Variants in PCDHGA12 observed in about 807,000 individuals in gnomAD.
The protein encoded by PCDHGA12 is protocadherin gamma subfamily A, 12, also known as protocadherin gamma-A12.
A neutral mutation model predicts 61.1 loss-of-function variants in PCDHGA12; 43 were observed. That is an observed-to-expected ratio of 0.70 (90% CI 0.55 to 0.91). The LOEUF is 0.91. Ranked by LOEUF, PCDHGA12 falls within the 40% of genes least tolerant of loss-of-function variation. The probability of loss-of-function intolerance (pLI) is 0.00; values close to 1 mark genes in which losing one functional copy is unlikely to be tolerated. For synonymous variants in PCDHGA12, 520 were observed against 542.9 expected, an observed-to-expected ratio of 0.96 and a Z score of 0.59; for missense variants, 1,236 against 1,227.7, an observed-to-expected ratio of 1.01 and a Z score of -0.10.
rs2099394683 is a variant in PCDHGA12, at chr5:141,476,602, C to G, written c.2425-18205C>G. 2.5e-6 allele frequency: 4 copies of G among 1,614,208 alleles called. No individual in the cohort carries two copies. The highest frequency in any genetic ancestry group is 2.2e-5 in the East Asian group (1 of 44,862). Reference sequence around the variant, plus strand: ...TTCCGCTCGAGAGCGCGCACGATCCCGATGTGGGAAGCAACTCTTTACAAA... The same window carrying G: ...TTCCGCTCGAGAGCGCGCACGATCCGGATGTGGGAAGCAACTCTTTACAAA... On this transcript the variant is annotated intron_variant, in intron 1 of 3. Transcript: ENST00000252085. This position sits in a 1 kb window ranked among gnomAD's most constrained non-coding sequence, Gnocchi z 7.6.
chr5:141,501,290 T>TACACATACACAC (rs1224133816), intron 2 of PCDHGA12, among the ~76,000 whole-genome samples: 9 of 136,158 alleles, frequency 6.6e-5, no homozygotes, highest in Admixed American at 1.6e-4. Context: ...TATTCCCTTA[T>TACACATACACAC]ACACACACAC....
At chr5:141,460,951 G>GTATATATA (rs200454978) in intron 1 of PCDHGA12, among the ~76,000 whole-genome samples, 42 of 139,772 alleles carry the variant, frequency 3.0e-4, no homozygotes, top group African/African-American at 1.1e-3. Context: ...TATGTATTAT[G>GTATATATA]TATATATATA....
chr5:141,436,121 C>T (rs2097796819), intron 1 of PCDHGA12, among the ~76,000 whole-genome samples: 1 of 152,154 alleles, frequency 6.6e-6, no homozygotes, highest in Admixed American at 6.5e-5. Context: ...AAACCTCTCT[C>T]CTCCATCATC....
chr5:141,454,893 C>T (rs1414320972), intron 1 of PCDHGA12, among the ~76,000 whole-genome samples: 7 of 146,892 alleles, frequency 4.8e-5, no homozygotes, highest in Admixed American at 1.4e-4. Flanking sequence ...CTGCTAGCAC[C>T]GCCTCCCGGG....
At chr5:141,478,478 A>T (rs764926007) in intron 1 of PCDHGA12, 2 of 1,613,740 alleles carry the variant, frequency 1.2e-6, no homozygotes, top group East Asian at 4.5e-5. Flanking sequence ...CCGCCAGAAC[A>T]CGCTGCGGAG....
At position 141,432,908 on chromosome 5, in the gene PCDHGA12, C is replaced by A. The variant is rs757934634; in HGVS notation, c.2149C>A (p.Arg717=). Residue 717 remains arginine, a synonymous_variant, in exon 1 of 4, where the codon CGG becomes AGG. Coordinates refer to ENST00000252085, the MANE Select transcript of PCDHGA12 (RefSeq NM_003735.3). This position sits in a 1 kb window ranked among gnomAD's most constrained non-coding sequence, Gnocchi z 6.0. ...CATCTTGCTGCTGGCGCTCAGGCTGCGGCGCTGGCACAAGTCACGCCTGCT... is the reference window on the plus strand; with the variant it reads ...CATCTTGCTGCTGGCGCTCAGGCTGAGGCGCTGGCACAAGTCACGCCTGCT... The part of the protein sequence containing the change: ...FVILLLALRL[R]RWHKSRLLQA... The A allele has an allele frequency of 1.6e-5, 26 of 1,614,168 alleles. No individual in the cohort carries two copies. Among genetic ancestry groups the A allele is most frequent in the Middle Eastern group, 1.7e-4 (1 of 6,060 alleles).
At position 141,476,321 on chromosome 5, in the gene PCDHGA12, G is replaced by A; in HGVS notation, c.2425-18486G>A. 1 of 1,614,196 alleles carries A rather than the reference G, an allele frequency of 6.2e-7. No homozygotes were observed. The highest frequency in any genetic ancestry group is 1.3e-5 in the African/African-American group (1 of 75,054). ...CCTCTCAGCCCGCAGGTTCCGGGTG[G>A]TGTCTGGAGCTAGCCGAAGATTCTT... On this transcript the variant is annotated intron_variant, in intron 1 of 3. Coordinates refer to ENST00000252085, the MANE Select transcript of PCDHGA12 (RefSeq NM_003735.3). The surrounding 1 kb of genome is among the most constrained non-coding windows in gnomAD (Gnocchi z 7.6).
intron 1 of PCDHGA12, among the ~76,000 whole-genome samples, chr5:141,492,482 A>G (rs1339196127): frequency 6.6e-6 from 1 of 152,182 alleles, no homozygotes; most frequent in Non-Finnish European, 1.5e-5. Context: ...GCGGCCGCCC[A>G]GGACCAGGCG....
chr5:141,478,882 A>G, intron 1 of PCDHGA12: 1 of 1,200,164 alleles, frequency 8.3e-7, no homozygotes. Context: ...TTAGCTTGGT[A>G]TCATTTACAT....
chr5:141,458,970 C>T (rs1260904595), intron 1 of PCDHGA12, among the ~76,000 whole-genome samples: 1 of 152,170 alleles, frequency 6.6e-6, no homozygotes, highest in Admixed American at 6.6e-5. Flanking sequence ...CAGCCTCAAG[C>T]AGTCCTCCTG....
Position 141,453,588 on chromosome 5 carries a change from CTG to C in PCDHGA12, c.2424+20409_2424+20410del, listed in dbSNP as rs572244169. ...TTCATTAGTTTGTGGTTTATCCTCA[CTG>C]TGTTTCTTTTTGCAAAACGCAAAAA... On this transcript the variant is annotated intron_variant, in intron 1 of 3. Coordinates refer to ENST00000252085, the MANE Select transcript of PCDHGA12 (RefSeq NM_003735.3). Among the ~76,000 whole-genome samples the C allele has an allele frequency of 5.9e-5, 9 of 152,296 alleles. No individual in the cohort carries two copies. In the South Asian group the frequency reaches 1.5e-3, roughly 25 times the overall value.
intron 1 of PCDHGA12, among the ~76,000 whole-genome samples, chr5:141,449,331 G>T (rs1054980032): frequency 3.3e-5 from 5 of 151,950 alleles, no homozygotes; most frequent in Admixed American, 3.3e-4. Flanking sequence ...TGTAGGCCAG[G>T]TGCAGTGGCT....
chr5:141,487,304 C>T lies in PCDHGA12; in HGVS notation c.2425-7503C>T. The T allele has an allele frequency of 6.2e-7, 1 of 1,614,190 alleles. No homozygotes were observed. The highest frequency in any genetic ancestry group is 8.5e-7 in the Non-Finnish European group (1 of 1,180,042). On this transcript the variant is annotated intron_variant, in intron 1 of 3. Transcript: ENST00000252085. This position sits in a 1 kb window ranked among gnomAD's most constrained non-coding sequence, Gnocchi z 5.0. ...TGTCTCCTTTGGCTCATTCGTGGCA[C>T]TACTCTCTAAGTGTCTTCGTGGGGC...
chr5:141,445,623 A>G (rs2098472971), intron 1 of PCDHGA12, among the ~76,000 whole-genome samples: 1 of 152,172 alleles, frequency 6.6e-6, no homozygotes, highest in South Asian at 2.1e-4. Flanking sequence ...TTTTTTTCGG[A>G]AAGTGATATT....
chr5:141,468,282 G>A (rs1368214716), intron 1 of PCDHGA12, among the ~76,000 whole-genome samples: 1 of 140,012 alleles, frequency 7.1e-6, no homozygotes, highest in African/African-American at 2.7e-5. Context: ...CCGAGACCAC[G>A]CCATTGCACC....
At chr5:141,509,106 A>T (rs1159119530) in intron 3 of PCDHGA12, among the ~76,000 whole-genome samples, 1 of 152,102 alleles carries the variant, frequency 6.6e-6, no homozygotes, top group Non-Finnish European at 1.5e-5. Flanking sequence ...TAGAAACCTG[A>T]GCGCTGGTGC....
intron 1 of PCDHGA12, among the ~76,000 whole-genome samples, chr5:141,448,985 A>G (rs2098621528): frequency 6.6e-6 from 1 of 152,026 alleles, no homozygotes; most frequent in South Asian, 2.1e-4. Context: ...TTCCATATTA[A>G]TATATAGAAA....
chr5:141,469,103 C>A (rs949254605), intron 1 of PCDHGA12, among the ~76,000 whole-genome samples: 2 of 151,844 alleles, frequency 1.3e-5, no homozygotes, highest in African/African-American at 2.4e-5. Context: ...AAAGCAAGAA[C>A]CTGTCTCTAA....
At chr5:141,469,111 T>TA (rs1275770294) in intron 1 of PCDHGA12, among the ~76,000 whole-genome samples, 1 of 151,476 alleles carries the variant, frequency 6.6e-6, no homozygotes, top group African/African-American at 2.4e-5. Context: ...AACCTGTCTC[T>TA]AAAAAAATTT....
Sources: gnomAD v4.1 joint callset for allele counts (sites outside exome capture counted in the v4.1 genomes callset) on GRCh38, gnomAD v4.1.1 for gene constraint, Gnocchi (gnomAD v3.1) non-coding constraint, MANE v1.5 for transcripts, NCBI Gene and HGNC (gene_info 2026-07-23, HGNC 2026-07-21) for gene names.